PTPRK: variants seen among roughly 807,000 people sequenced by gnomAD.
PTPRK encodes the protein receptor-type tyrosine-protein phosphatase kappa.
Under a neutral mutation model 178.0 loss-of-function variants are expected in PTPRK, and 75 were observed. That is an observed-to-expected ratio of 0.42 (90% confidence interval 0.35 to 0.51). The LOEUF is 0.51. Among genes scored for constraint, PTPRK ranks in the 20% least tolerant of loss-of-function variants. The pLI is 0.02. For missense variants in PTPRK, 1,441 were observed against 1,797.8 expected (o/e 0.80, Z 3.59); for synonymous variants, 637 against 620.6 (o/e 1.03, Z -0.39).
intron 1 of PTPRK, among the ~76,000 whole-genome samples, chr6:128,424,956 T>A (rs1225969745): frequency 6.6e-6 from 1 of 152,180 alleles, no homozygotes; most frequent in East Asian, 1.9e-4. Context: ...CTTTTTTTTT[T>A]ATTTCAATAG....
At chr6:128,027,633 T>C (rs1442609747) in intron 13 of PTPRK, among the ~76,000 whole-genome samples, 5 of 152,134 alleles carry the variant, frequency 3.3e-5, no homozygotes, top group Non-Finnish European at 5.9e-5. Context: ...AGTCTTGCTC[T>C]GTCACCGAGT....
At chr6:128,232,733 C>T (rs921927859) in intron 5 of PTPRK, among the ~76,000 whole-genome samples, 1 of 152,182 alleles carries the variant, frequency 6.6e-6, no homozygotes, top group African/African-American at 2.4e-5. Flanking sequence ...GCAATTCTGA[C>T]ATCATTGTTC....
At chr6:128,478,220 CCTTA>C (rs749192499) in intron 1 of PTPRK, among the ~76,000 whole-genome samples, 30 of 152,048 alleles carry the variant, frequency 2.0e-4, no homozygotes, top group Non-Finnish European at 3.2e-4. Flanking sequence ...CTCCTTCATG[CCTTA>C]CTTACACTCT....
chr6:128,370,776 G>A (rs1331264239), intron 2 of PTPRK, among the ~76,000 whole-genome samples: 1 of 152,098 alleles, frequency 6.6e-6, no homozygotes, highest in African/African-American at 2.4e-5. Flanking sequence ...TTACTTCAAA[G>A]ATTAAAAGAT....
intron 7 of PTPRK, among the ~76,000 whole-genome samples, chr6:128,114,116 G>C (rs1388751285): frequency 6.6e-6 from 1 of 152,014 alleles, no homozygotes; most frequent in Non-Finnish European, 1.5e-5. Flanking sequence ...ATTCCAGATT[G>C]TATTAGTGCT....
intron 11 of PTPRK, 100 bp from the exon 12 acceptor site, chr6:128,067,892 A>C (rs1782107177): frequency 8.9e-7 from 1 of 1,125,256 alleles, no homozygotes; most frequent in Admixed American, 2.7e-5. Context: ...TTAACACACC[A>C]CATTTCAAAG....
At chr6:128,010,469 C>G (rs1778930067) in intron 13 of PTPRK, among the ~76,000 whole-genome samples, 1 of 151,062 alleles carries the variant, frequency 6.6e-6, no homozygotes, top group East Asian at 1.9e-4. Context: ...TCTTCTTTAC[C>G]TTCTCCTCTT....
chr6:128,296,563 C>A (rs1213038868), intron 3 of PTPRK, among the ~76,000 whole-genome samples: 5 of 152,100 alleles, frequency 3.3e-5, no homozygotes, highest in African/African-American at 9.7e-5. Flanking sequence ...GAGTGGGGGC[C>A]AATATTCAAC....
intron 1 of PTPRK, among the ~76,000 whole-genome samples, chr6:128,476,582 CAT>C (rs1221258354): frequency 3.3e-5 from 5 of 151,918 alleles, no homozygotes; most frequent in African/African-American, 1.2e-4. Context: ...ACTGGAGAAT[CAT>C]AAAGTCATTT....
chr6:128,497,476 C>T (rs191834900), intron 1 of PTPRK, among the ~76,000 whole-genome samples: 1 of 152,050 alleles, frequency 6.6e-6, no homozygotes, highest in Admixed American at 6.5e-5. Flanking sequence ...ACAAACTAGA[C>T]AGAAAATAGG....
At chr6:128,490,624 T>C (rs143885894) in intron 1 of PTPRK, among the ~76,000 whole-genome samples, 28 of 152,350 alleles carry the variant, frequency 1.8e-4, no homozygotes, top group African/African-American at 6.5e-4. Flanking sequence ...TGTCATTTTC[T>C]AGCCATGTGA....
intron 1 of PTPRK, among the ~76,000 whole-genome samples, chr6:128,480,639 A>T (rs909323795): frequency 4.6e-5 from 7 of 152,186 alleles, no homozygotes; most frequent in Non-Finnish European, 1.0e-4. Flanking sequence ...AAGGCATCTT[A>T]CAGAGCAGTT....
At position 128,032,117 on chromosome 6, in the gene PTPRK, C is replaced by T. The variant is rs576831645; in HGVS notation, c.2195-22849G>A. ...CAAAATTCTATCTGATTTTGACCTG[C>T]GACCTATCTCTAATGTCCAGCTTCT... On this transcript the variant is annotated intron_variant, in intron 13 of 29. Coordinates refer to ENST00000368226, the MANE Select transcript of PTPRK (RefSeq NM_002844.4). 6.6e-5 allele frequency among the ~76,000 whole-genome samples: 10 copies of T among 152,282 alleles called. No homozygotes were observed. In the South Asian group the frequency reaches 1.0e-3, roughly 16 times the overall value.
intron 9 of PTPRK, 50 bp downstream of exon 9, chr6:128,083,664 CT>C: frequency 1.8e-6 from 2 of 1,116,090 alleles, no homozygotes; most frequent in Non-Finnish European, 1.3e-6. Flanking sequence ...TTTCTTCTTC[CT>C]TTTAGTCCTT....
chr6:128,268,544 C>T (rs968010385), intron 3 of PTPRK, among the ~76,000 whole-genome samples: 4 of 152,038 alleles, frequency 2.6e-5, no homozygotes, highest in African/African-American at 7.2e-5. Flanking sequence ...CAAAGACAGG[C>T]GAAAAATGTA....
chr6:128,460,120 G>A (rs994977144), intron 1 of PTPRK, among the ~76,000 whole-genome samples: 2 of 152,160 alleles, frequency 1.3e-5, no homozygotes, highest in African/African-American at 4.8e-5. Context: ...CTCCAGCACT[G>A]GGGATTACAT....
At chr6:127,999,305 A>G (rs962292271) in intron 15 of PTPRK, among the ~76,000 whole-genome samples, 4 of 151,806 alleles carry the variant, frequency 2.6e-5, no homozygotes, top group African/African-American at 9.7e-5. Flanking sequence ...TCCCAACCAT[A>G]TCCCAACCTC....
At chr6:128,071,135 C>G (rs7758689) in intron 11 of PTPRK, among the ~76,000 whole-genome samples, 127,131 of 151,368 alleles carry the variant, frequency 0.84, 53,578 homozygotes, top group South Asian at 0.97. Context: ...AAAACACCTG[C>G]CTTTCACGGA....
In PTPRK at chr6:128,009,262, G is replaced by C. The variant is rs1314081772; in HGVS notation, c.2201C>G (p.Ala734Gly). 1.4e-5 allele frequency: 22 copies of C among 1,602,906 alleles called. No individual in the cohort carries two copies. The highest frequency in any genetic ancestry group is 1.8e-5 in the Non-Finnish European group (21 of 1,174,144). ...QCVRIATKAAATEEPEVIPDP... is the reference protein window; with the variant it reads ...QCVRIATKAAGTEEPEVIPDP... ...TGGGATCACTTCTGGTTCTTCTGTT[G>C]CTGCTGCTAAATGGATAAAAAAAAA... Residue 734 changes from alanine (A) to glycine (G), a missense_variant, in exon 14 of 30, where the codon GCA becomes GGA. Around this residue, in one of 4 missense-constraint regions of PTPRK, gnomAD observed 945 missense variants for 1,080.6 expected, o/e 0.87. Transcript: ENST00000368226.
Sources: allele counts gnomAD v4.1 joint callset (sites outside exome capture counted in the v4.1 genomes callset), GRCh38; gene constraint gnomAD v4.1.1; regional missense constraint gnomAD v4.1.1; transcripts MANE v1.5; gene names NCBI Gene and HGNC (gene_info 2026-07-23, HGNC 2026-07-21).